Variants in SPMIP2 observed in about 807,000 individuals in gnomAD.
SPMIP2 encodes the protein protein SPMIP2.
the SPMIP2 span, among the ~76,000 whole-genome samples, chr4:158,982,970 G>C: frequency 6.6e-6 from 1 of 152,150 alleles, no homozygotes; most frequent in Non-Finnish European, 1.5e-5. Context: ...GCTTAAAGGA[G>C]CTGACGGAGC....
chr4:158,984,809 A>C, the SPMIP2 span, among the ~76,000 whole-genome samples: 1 of 151,582 alleles, frequency 6.6e-6, no homozygotes, highest in African/African-American at 2.4e-5. Flanking sequence ...AAACAGAGAC[A>C]CAAAAAACCC....
chr4:159,019,138 C>T, the SPMIP2 span, among the ~76,000 whole-genome samples: 1 of 151,998 alleles, frequency 6.6e-6, no homozygotes, highest in African/African-American at 2.4e-5. Context: ...TTCTAGAAGT[C>T]CTGGTTCCCC....
At chr4:159,048,371 A>G in the SPMIP2 span, among the ~76,000 whole-genome samples, 1 of 152,194 alleles carries the variant, frequency 6.6e-6, no homozygotes, top group Non-Finnish European at 1.5e-5. Flanking sequence ...CTCACGGCGC[A>G]TGTTTTCCCA....
the SPMIP2 span, among the ~76,000 whole-genome samples, chr4:159,037,779 A>AAT: frequency 1.6e-5 from 2 of 125,318 alleles, no homozygotes; most frequent in African/African-American, 6.3e-5. Flanking sequence ...TCTCAAAAAC[A>AAT]ATATATACAC....
the SPMIP2 span, among the ~76,000 whole-genome samples, chr4:158,896,841 G>GGT: frequency 6.9e-6 from 1 of 144,854 alleles, no homozygotes; most frequent in Admixed American, 6.9e-5. Context: ...TGCCTTATTA[G>GGT]TTTTTTTTTT....
the SPMIP2 span, among the ~76,000 whole-genome samples, chr4:159,076,100 CCAA>C: frequency 6.6e-6 from 1 of 152,116 alleles, no homozygotes; most frequent in Non-Finnish European, 1.5e-5. Flanking sequence ...GTTAATTCTC[CCAA>C]CAACTGTGAG....
the SPMIP2 span, among the ~76,000 whole-genome samples, chr4:159,014,243 A>G: frequency 0.027 from 4,041 of 152,288 alleles, 194 homozygotes; most frequent in African/African-American, 0.092. Flanking sequence ...TCACAAGGTC[A>G]GGAAATGGAG....
At chr4:159,072,556 T>C in the SPMIP2 span, among the ~76,000 whole-genome samples, 1 of 148,450 alleles carries the variant, frequency 6.7e-6, no homozygotes, top group Non-Finnish European at 1.5e-5. Context: ...CTTAACCTCC[T>C]GGACTAAGCA....
chr4:158,937,634 T>C, the SPMIP2 span: 1 of 154,418 alleles, frequency 6.5e-6, no homozygotes, highest in Non-Finnish European at 1.5e-5. Context: ...TCCAGAATCT[T>C]TCCATCTGTT....
the SPMIP2 span, among the ~76,000 whole-genome samples, chr4:159,016,038 T>C: frequency 6.6e-6 from 1 of 152,214 alleles, no homozygotes; most frequent in Admixed American, 6.5e-5. Flanking sequence ...TCATGGAAAA[T>C]GTGGTCCTGA....
the SPMIP2 span, among the ~76,000 whole-genome samples, chr4:158,979,560 G>A: frequency 4.6e-5 from 7 of 152,156 alleles, no homozygotes; most frequent in African/African-American, 1.4e-4. Flanking sequence ...GATAGTGGGT[G>A]CATCCCACAG....
At chr4:159,069,576 A>T in the SPMIP2 span, among the ~76,000 whole-genome samples, 3 of 151,336 alleles carry the variant, frequency 2.0e-5, no homozygotes, top group Non-Finnish European at 2.9e-5. Context: ...TTGGGACCAC[A>T]GGCAAGTGCC....
chr4:158,925,134 T>C, the SPMIP2 span, among the ~76,000 whole-genome samples: 2 of 152,228 alleles, frequency 1.3e-5, no homozygotes, highest in Non-Finnish European at 2.9e-5. Flanking sequence ...TCTATAAATG[T>C]TTGCTAGAAT....
At chr4:159,010,904 T>C in the SPMIP2 span, among the ~76,000 whole-genome samples, 2 of 152,168 alleles carry the variant, frequency 1.3e-5, no homozygotes, top group Admixed American at 6.5e-5. Context: ...TTTGTGAGTT[T>C]CAGACCCAAT....
chr4:159,074,951 G>A, the SPMIP2 span, among the ~76,000 whole-genome samples: 3 of 152,134 alleles, frequency 2.0e-5, no homozygotes, highest in Non-Finnish European at 4.4e-5. Flanking sequence ...GTAAGAGCAA[G>A]GGCCTTACCA....
At chr4:159,028,016 C>G in the SPMIP2 span, among the ~76,000 whole-genome samples, 1 of 152,092 alleles carries the variant, frequency 6.6e-6, no homozygotes, top group Non-Finnish European at 1.5e-5. Flanking sequence ...TGATGGCTGA[C>G]TAAATATATT....
chr4:158,925,665 T>C, the SPMIP2 span, among the ~76,000 whole-genome samples: 1 of 152,216 alleles, frequency 6.6e-6, no homozygotes, highest in Non-Finnish European at 1.5e-5. Context: ...CTGCCACTGA[T>C]CTGACAGGAG....
At chr4:159,071,006 A>G in the SPMIP2 span, among the ~76,000 whole-genome samples, 15 of 152,184 alleles carry the variant, frequency 9.9e-5, no homozygotes, top group African/African-American at 3.4e-4. Context: ...TTCAGAAAGA[A>G]CAATCAAAAC....
chr4:159,061,802 C>T, the SPMIP2 span, among the ~76,000 whole-genome samples: 1 of 140,942 alleles, frequency 7.1e-6, no homozygotes, highest in Non-Finnish European at 1.5e-5. Flanking sequence ...CAGAGCGAGA[C>T]TCAGTCTCAA....
Sources: gnomAD v4.1 joint callset for allele counts (sites outside exome capture counted in the v4.1 genomes callset) on GRCh38, gnomAD v4.1.1 for gene constraint, MANE v1.5 for transcripts, NCBI Gene and HGNC (gene_info 2026-07-23, HGNC 2026-07-21) for gene names.